Variants in CERKL observed in about 807,000 individuals in gnomAD.
The protein encoded by CERKL is ceramide kinase-like protein.
In CERKL, 61 loss-of-function variants were observed where a neutral mutation model predicts 63.4. The observed-to-expected ratio is 0.96, with a 90% CI of 0.78 to 1.19. CERKL has a LOEUF of 1.19. Among genes scored for constraint, CERKL ranks in the 50% most tolerant of loss-of-function variants. The pLI, the probability that CERKL is intolerant of heterozygous loss-of-function variation, is 0.00. For missense variants in CERKL, 675 were observed against 655.5 expected, an observed-to-expected ratio of 1.03 and a Z score of -0.33; for synonymous variants, 250 against 230.5, an observed-to-expected ratio of 1.08 and a Z score of -0.77.
intron 8 of CERKL, chr2:181,548,284 A>G: frequency 1.9e-6 from 1 of 532,994 alleles, no homozygotes; most frequent in Non-Finnish European, 3.3e-6. Flanking sequence ...AAGGAAAGAA[A>G]GGGGAAGGGA....
chr2:181,565,287 A>G (rs35161171), intron 4 of CERKL: 7,993 of 659,042 alleles, frequency 0.012, 64 homozygotes, highest in Non-Finnish European at 0.017. Flanking sequence ...ACACTTGTCA[A>G]CTTTTTAAAT....
In CERKL at chr2:181,546,606, C is replaced by T. The variant is rs117436143; in HGVS notation, c.1268+1012G>A. On this transcript the variant is annotated intron_variant, in intron 10 of 12. Transcript: ENST00000410087. ...TCTTCTCTAACTTTGAATATTTCCC[C>T]GTTTATTGCCTATATTTCACAACAC... Among the ~76,000 whole-genome samples, 358 of 152,172 alleles carry T rather than the reference C, an allele frequency of 2.4e-3. 12 individuals carry two copies. The East Asian group carries it at 0.063, about 27-fold the overall frequency.
intron 1 of CERKL, 89 bp downstream of exon 1, chr2:181,656,680 T>G (rs1474716269): frequency 5.3e-6 from 6 of 1,125,588 alleles, no homozygotes; most frequent in Non-Finnish European, 7.4e-6. Context: ...AAGGGGAGGG[T>G]GGAGCAAAAG....
At position 181,547,707 on chromosome 2, in the gene CERKL, T is replaced by C; in HGVS notation, c.1179A>G (p.Gln393=). 1 of 1,614,060 alleles carries C rather than the reference T, an allele frequency of 6.2e-7. No homozygotes were observed. The highest frequency in any genetic ancestry group is 1.7e-5 in the Admixed American group (1 of 60,006). Residue 393 remains glutamine (Q), a synonymous_variant, in exon 10 of 13, where the codon CAA becomes CAG. Coordinates refer to ENST00000410087, the MANE Select transcript of CERKL (RefSeq NM_201548.5). ...CATTCAAGAACTGACCCTGGATCAT[T>C]TGCCATTGATCATTACAGTCTAAAG... ...SPKSDCNDQW[Q]MIQGQFLNVS...
At chr2:181,549,420 A>G (rs1364532868) in intron 6 of CERKL, among the ~76,000 whole-genome samples, 1 of 152,208 alleles carries the variant, frequency 6.6e-6, no homozygotes, top group East Asian at 1.9e-4. Flanking sequence ...ATTACAATAA[A>G]ACTTCATTTA....
intron 1 of CERKL, among the ~76,000 whole-genome samples, chr2:181,640,640 G>C (rs1687377952): frequency 6.6e-6 from 1 of 152,134 alleles, no homozygotes; most frequent in African/African-American, 2.4e-5. Context: ...AAATTACAGA[G>C]GGTACAAAAA....
intron 2 of CERKL, among the ~76,000 whole-genome samples, chr2:181,577,801 G>C (rs916874358): frequency 6.6e-6 from 1 of 152,036 alleles, no homozygotes; most frequent in South Asian, 2.1e-4. Flanking sequence ...TAGGGGGAAG[G>C]GGTCTTGTCC....
At chr2:181,651,538 T>C (rs887188145) in intron 1 of CERKL, among the ~76,000 whole-genome samples, 1 of 152,182 alleles carries the variant, frequency 6.6e-6, no homozygotes, top group Non-Finnish European at 1.5e-5. Context: ...AGGCCACATA[T>C]GACAAATCCA....
At chr2:181,621,330 TTC>T (rs1385434732) in intron 1 of CERKL, among the ~76,000 whole-genome samples, 1 of 152,166 alleles carries the variant, frequency 6.6e-6, no homozygotes, top group African/African-American at 2.4e-5. Flanking sequence ...ACACATATAA[TTC>T]ACAAATTATG....
At position 181,538,192 on chromosome 2, in the gene CERKL, G is replaced by GAATC. The variant is rs1559065841; in HGVS notation, c.1587_1590dup (p.Pro531AspfsTer10). On this transcript the variant is annotated frameshift_variant, in exon 13 of 13. Coordinates refer to ENST00000410087, the MANE Select transcript of CERKL (RefSeq NM_201548.5). LOFTEE classifies it high-confidence loss of function. Reference sequence around the variant, plus strand: ...TTAGAAACAATTACATGTTACTTTGGAATCATTTCTTCCATGCTTCCTCCA... The same window carrying GAATC: ...TTAGAAACAATTACATGTTACTTTGGAATCAATCATTTCTTCCATGCTTCCTCCA... 6.4e-7 allele frequency: 1 copy of GAATC among 1,571,962 alleles called. No homozygotes were observed. Among genetic ancestry groups the GAATC allele is most frequent in the South Asian group, 1.1e-5 (1 of 90,118 alleles).
At chr2:181,615,573 C>A (rs1686155931) in intron 1 of CERKL, among the ~76,000 whole-genome samples, 2 of 152,202 alleles carry the variant, frequency 1.3e-5, no homozygotes, top group African/African-American at 4.8e-5. Flanking sequence ...ATAGTGTATA[C>A]ACACACTTAT....
At chr2:181,656,062 CTTT>C (rs971195994) in intron 1 of CERKL, among the ~76,000 whole-genome samples, 2 of 152,200 alleles carry the variant, frequency 1.3e-5, no homozygotes, top group African/African-American at 2.4e-5. Flanking sequence ...AGCATTATAA[CTTT>C]TTTAGGTAAC....
At position 181,639,463 on chromosome 2, in the gene CERKL, C is replaced by T. The variant is rs181613695; in HGVS notation, c.238+17306G>A. On this transcript the variant is annotated intron_variant, in intron 1 of 12. Coordinates refer to ENST00000410087, the MANE Select transcript of CERKL (RefSeq NM_201548.5). Reference sequence around the variant, plus strand: ...GATTTAAAAAAACTTGTTAAAAACTCCAATTTATCACTCCCATTTTCTTCA... The same window carrying T: ...GATTTAAAAAAACTTGTTAAAAACTTCAATTTATCACTCCCATTTTCTTCA... Among the ~76,000 whole-genome samples, 102 of 152,240 alleles carry T rather than the reference C, an allele frequency of 6.7e-4. 1 individual carries two copies. The highest frequency in any genetic ancestry group is 2.0e-3 in the African/African-American group (83 of 41,550).
chr2:181,656,306 T>C (rs890973675), intron 1 of CERKL, among the ~76,000 whole-genome samples: 15 of 152,152 alleles, frequency 9.9e-5, no homozygotes, highest in East Asian at 1.9e-4. Context: ...AAAATGAGAG[T>C]TGGATTCAGA....
At chr2:181,569,540 A>T (rs530450740) in intron 3 of CERKL, among the ~76,000 whole-genome samples, 7 of 152,182 alleles carry the variant, frequency 4.6e-5, no homozygotes, top group African/African-American at 1.4e-4. Flanking sequence ...GGGGAAAATG[A>T]TAACAAACAC....
chr2:181,575,775 C>G (rs1689108431), intron 2 of CERKL, among the ~76,000 whole-genome samples: 1 of 152,140 alleles, frequency 6.6e-6, no homozygotes, highest in South Asian at 2.1e-4. Context: ...TGTATTATTG[C>G]CAAATTCCTA....
chr2:181,654,737 T>C (rs575495884), intron 1 of CERKL, among the ~76,000 whole-genome samples: 1 of 124,514 alleles, frequency 8.0e-6, no homozygotes, highest in African/African-American at 2.6e-5. Flanking sequence ...CATTTAAATA[T>C]ATCATCTCTT....
At chr2:181,585,670 A>C (rs1326314723) in intron 2 of CERKL, among the ~76,000 whole-genome samples, 1 of 152,204 alleles carries the variant, frequency 6.6e-6, no homozygotes, top group African/African-American at 2.4e-5. Context: ...TATATCTACA[A>C]ACTTAAAGTC....
At chr2:181,641,425 G>A (rs1423042427) in intron 1 of CERKL, among the ~76,000 whole-genome samples, 2 of 149,546 alleles carry the variant, frequency 1.3e-5, no homozygotes, top group Admixed American at 6.7e-5. Flanking sequence ...CTGGGCTCAA[G>A]CAATCCTCCC....
Sources: gnomAD v4.1 joint callset for allele counts (sites outside exome capture counted in the v4.1 genomes callset) on GRCh38, gnomAD v4.1.1 for gene constraint, MANE v1.5 for transcripts, NCBI Gene and HGNC (gene_info 2026-07-23, HGNC 2026-07-21) for gene names.